The following TMC1 variants were observed in gnomAD, a reference collection of about 807,000 sequenced individuals.
The protein encoded by TMC1 is transmembrane channel like 1.
A neutral mutation model predicts 105.8 loss-of-function variants in TMC1; 84 were observed. That is an observed-to-expected ratio of 0.79 (90% CI 0.67 to 0.95). The LOEUF is 0.95. Ranked by LOEUF, TMC1 falls within the 40% of genes least tolerant of loss-of-function variation. The pLI is 0.00. For synonymous variants in TMC1, 315 were observed against 311.5 expected (o/e 1.01, Z -0.12); for missense variants, 817 against 914.1 (o/e 0.89, Z 1.37).
At chr9:72,532,843 T>C (rs1823522292) in intron 1 of TMC1, among the ~76,000 whole-genome samples, 1 of 152,196 alleles carries the variant, frequency 6.6e-6, no homozygotes. Context: ...GACTAAATTT[T>C]CCAAGTGTTT....
At chr9:72,797,629 T>C (rs1249647616) in intron 17 of TMC1, among the ~76,000 whole-genome samples, 4 of 152,222 alleles carry the variant, frequency 2.6e-5, no homozygotes, top group African/African-American at 9.6e-5. Context: ...AAATATTTCC[T>C]ATTTAATAAA....
At chr9:72,623,628 T>G (rs1825294878) in intron 3 of TMC1, among the ~76,000 whole-genome samples, 2 of 152,160 alleles carry the variant, frequency 1.3e-5, no homozygotes, top group African/African-American at 4.8e-5. Context: ...ATTTCTATTC[T>G]TTAGTTCCTC....
At chr9:72,833,712 T>C (rs1829077370) in intron 23 of TMC1, among the ~76,000 whole-genome samples, 1 of 152,240 alleles carries the variant, frequency 6.6e-6, no homozygotes, top group South Asian at 2.1e-4. Flanking sequence ...CATCTAATTA[T>C]ATTAGAAATA....
chr9:72,677,113 C>A (rs1203382918), intron 5 of TMC1, among the ~76,000 whole-genome samples: 1 of 146,554 alleles, frequency 6.8e-6, no homozygotes, highest in Admixed American at 6.9e-5. Flanking sequence ...CCAGGGCACT[C>A]TAGGGGAACA....
chr9:72,762,205 T>A, intron 12 of TMC1, among the ~76,000 whole-genome samples: 1 of 152,198 alleles, frequency 6.6e-6, no homozygotes, highest in East Asian at 1.9e-4. Flanking sequence ...GTCCATTAGA[T>A]AAATTCCATA....
intron 8 of TMC1, among the ~76,000 whole-genome samples, chr9:72,727,269 C>T (rs1388053489): frequency 6.6e-6 from 1 of 152,144 alleles, no homozygotes; most frequent in Non-Finnish European, 1.5e-5. Flanking sequence ...TCAAGGCTGT[C>T]TTGCATTGTT....
At chr9:72,538,909 G>T (rs772829828) in intron 1 of TMC1, among the ~76,000 whole-genome samples, 1 of 152,124 alleles carries the variant, frequency 6.6e-6, no homozygotes, top group Non-Finnish European at 1.5e-5. Context: ...AACTCCAAAG[G>T]GGGAGGGTGT....
chr9:72,656,162 TG>T (rs1825881769), intron 5 of TMC1: 2 of 600,882 alleles, frequency 3.3e-6, no homozygotes, highest in Non-Finnish European at 6.3e-6. Flanking sequence ...TTCGGCTCCG[TG>T]GGTGTTTTTC....
chr9:72,552,662 G>A (rs1454431652), intron 1 of TMC1, among the ~76,000 whole-genome samples: 1 of 152,178 alleles, frequency 6.6e-6, no homozygotes, highest in African/African-American at 2.4e-5. Context: ...AAGAACCAGA[G>A]AGTACTTCAG....
intron 8 of TMC1, among the ~76,000 whole-genome samples, chr9:72,708,101 C>T (rs762936551): frequency 1.3e-5 from 2 of 152,158 alleles, no homozygotes; most frequent in African/African-American, 2.4e-5. Context: ...TCTGGGTTCT[C>T]TATTCTATTC....
chr9:72,741,328 CCTTCCTTTT>C (rs1410202002), intron 9 of TMC1: 2 of 345,944 alleles, frequency 5.8e-6, no homozygotes, highest in African/African-American at 4.3e-5. Context: ...GCCAGCTTAA[CCTTCCTTTT>C]CTTATGCTTA....
intron 2 of TMC1, among the ~76,000 whole-genome samples, chr9:72,596,712 G>A (rs1824728175): frequency 6.6e-6 from 1 of 152,152 alleles, no homozygotes; most frequent in Non-Finnish European, 1.5e-5. Context: ...TACCATGTAT[G>A]TAACATAGTT....
chr9:72,527,120 C>T lies in TMC1; in HGVS notation c.-428+5207C>T, dbSNP rs149631823. ...TCTGAGGGGCGTGGCTGGAAGAAGG[C>T]TAGCCTTGAGCCCTCTAAAAGGCAG... is the stretch of plus-strand genomic sequence containing the variant. On this transcript the variant is annotated intron_variant, in intron 1 of 23. Transcript: ENST00000297784. 4.5e-3 allele frequency among the ~76,000 whole-genome samples: 687 copies of T among 152,294 alleles called. 6 individuals carry two copies. The highest frequency in any genetic ancestry group is 0.016 in the African/African-American group (659 of 41,566).
chr9:72,556,386 G>A (rs1389758395), intron 1 of TMC1, among the ~76,000 whole-genome samples: 1 of 151,798 alleles, frequency 6.6e-6, no homozygotes, highest in Admixed American at 6.6e-5. Flanking sequence ...CAAAGTGCTG[G>A]GATTACAGGC....
intron 8 of TMC1, among the ~76,000 whole-genome samples, chr9:72,730,418 G>A (rs372668232): frequency 1.3e-4 from 20 of 152,208 alleles, no homozygotes; most frequent in African/African-American, 3.4e-4. Context: ...CAAGGTGCTC[G>A]GCATGCCAAA....
At chr9:72,533,219 T>G (rs146413490) in intron 1 of TMC1, among the ~76,000 whole-genome samples, 1 of 152,146 alleles carries the variant, frequency 6.6e-6, no homozygotes, top group African/African-American at 2.4e-5. Flanking sequence ...AATATATTCA[T>G]CCAGAGAACC....
rs775428246 is a variant in TMC1 at position 72,694,715 on chromosome 9, G to A, written c.236+1G>A. 38 of 1,604,820 alleles carry A rather than the reference G, an allele frequency of 2.4e-5. No individual in the cohort carries two copies. Among genetic ancestry groups the A allele is most frequent in the Middle Eastern group, 3.3e-4 (2 of 6,016 alleles). On this transcript the variant is annotated splice_donor_variant, in intron 7 of 23. Transcript: ENST00000297784. LOFTEE classifies it high-confidence loss of function. ...GGAGGAGGAGGCTAAAGAGAGGAGC[G>A]TAAGTTAGTTCTGATATTCTTTCAA...
In TMC1 at chr9:72,816,155, G is replaced by T; in HGVS notation, c.1708G>T (p.Glu570Ter). 2 of 1,613,368 alleles carry T rather than the reference G, an allele frequency of 1.2e-6. No individual in the cohort carries two copies. The highest frequency in any genetic ancestry group is 1.3e-5 in the African/African-American group (1 of 74,978). Residue 570 changes from glutamate to a stop codon, truncating the protein, a stop_gained, in exon 19 of 24, where the codon GAA becomes TAA. Coordinates refer to ENST00000297784, the MANE Select transcript of TMC1 (RefSeq NM_138691.3). LOFTEE classifies it high-confidence loss of function. ...DLEYGYPSYTEFDISGNVLAL... is the reference protein window; with the variant it reads ...DLEYGYPSYT ...GTGTCTCCTCTAGCCTTCATACACC[G>T]AATTCGACATCAGTGGCAACGTCCT...
intron 8 of TMC1, among the ~76,000 whole-genome samples, chr9:72,731,818 A>C (rs1827215435): frequency 6.6e-6 from 1 of 151,496 alleles, no homozygotes; most frequent in Non-Finnish European, 1.5e-5. Flanking sequence ...TGTCCCTCCT[A>C]CTCCTTTGAC....
Sources: gnomAD v4.1 joint callset for allele counts (sites outside exome capture counted in the v4.1 genomes callset) on GRCh38, gnomAD v4.1.1 for gene constraint, MANE v1.5 for transcripts, NCBI Gene and HGNC (gene_info 2026-07-23, HGNC 2026-07-21) for gene names.